R3HCC1: variants seen among roughly 807,000 people sequenced by gnomAD.
R3HCC1 encodes R3H and coiled-coil domain-containing protein 1.
Under a neutral mutation model 40.0 loss-of-function variants are expected in R3HCC1, and 32 were observed. The ratio of observed to expected loss-of-function variants is 0.80; its 90% CI spans 0.60 to 1.07. R3HCC1 has a LOEUF of 1.07. Among genes scored for constraint, R3HCC1 ranks in the 50% least tolerant of loss-of-function variants. The pLI is 0.00. For missense variants in R3HCC1, 586 were observed against 563.3 expected (o/e 1.04, Z -0.41); for synonymous variants, 237 against 232.8 (o/e 1.02, Z -0.17).
chr8:23,289,008 C>T lies in R3HCC1; in HGVS notation c.111-8C>T, dbSNP rs1473576459. 6.5e-7 allele frequency: 1 copy of T among 1,536,440 alleles called. No homozygotes were observed. Among genetic ancestry groups the T allele is most frequent in the Admixed American group, 2.0e-5 (1 of 50,992 alleles). On this transcript the variant is annotated splice_region_variant and splice_polypyrimidine_tract_variant and intron_variant, in intron 2 of 7. Transcript: ENST00000265806. The stretch of plus-strand genomic sequence containing the variant: ...ACCTGCTCAGCACTTCTTCCCCTCC[C>T]TCCCCAGGGTTCTTCTTTTCCCCCC...
intron 4 of R3HCC1, chr8:23,291,066 C>G (rs924375641): frequency 7.3e-6 from 2 of 272,110 alleles, no homozygotes; most frequent in South Asian, 1.5e-4. Context: ...AACTCTTGGG[C>G]CTTCAGTTTC....
In R3HCC1 at chr8:23,296,235, C is replaced by T. The variant is rs527276786; in HGVS notation, c.*138C>T. The stretch of plus-strand genomic sequence containing the variant: ...GGGGTGTGGTGGGCTTTAGTTTAGT[C>T]CCAGAAATGGAGAAAAAATAAAAAC... On this transcript the variant is annotated 3_prime_UTR_variant, in exon 8 of 8. Coordinates refer to ENST00000265806, the MANE Select transcript of R3HCC1 (RefSeq NM_001136108.3). 8.8e-6 allele frequency: 9 copies of T among 1,021,508 alleles called. No homozygotes were observed. The highest frequency in any genetic ancestry group is 4.9e-5 in the African/African-American group (3 of 61,296). The allele number at this position is 1,021,508 out of a possible 1,614,324, so 63.3% of individuals were successfully genotyped here.
chr8:23,290,988 G>C (rs1323151534), intron 4 of R3HCC1: 2 of 212,206 alleles, frequency 9.4e-6, no homozygotes, highest in Non-Finnish European at 1.9e-5. Flanking sequence ...CACTAGTAGA[G>C]GAGGGAAAGT....
chr8:23,288,747 T>C, intron 2 of R3HCC1, 114 bp downstream of exon 2: 1 of 1,303,568 alleles, frequency 7.7e-7, no homozygotes, highest in Non-Finnish European at 1.0e-6. Context: ...CCTTGGCCTT[T>C]AGTCTTTATA....
In R3HCC1 at chr8:23,290,481, C is replaced by CT; in HGVS notation, c.852+14dup. 1 of 1,541,476 alleles carries CT rather than the reference C, an allele frequency of 6.5e-7. No homozygotes were observed. The highest frequency in any genetic ancestry group is 1.4e-5 in the African/African-American group (1 of 72,944). Reference sequence around the variant, plus strand: ...AGCTGCTGCAGGAGGTGATGAGGCTCTTGAGCCCGAAAAGGGAGGGCGGAG... The same window carrying CT: ...AGCTGCTGCAGGAGGTGATGAGGCTCTTTGAGCCCGAAAAGGGAGGGCGGAG... On this transcript the variant is annotated intron_variant, in intron 4 of 7. Transcript: ENST00000265806.
chr8:23,294,684 C>T, intron 6 of R3HCC1, 85 bp from the exon 7 acceptor site: 9 of 1,029,244 alleles, frequency 8.7e-6, no homozygotes, highest in South Asian at 2.7e-5. Flanking sequence ...AGGTGCACAA[C>T]ACGGCTGCAG....
At chr8:23,293,489 G>C (rs1802917722) in intron 6 of R3HCC1, 116 bp downstream of exon 6, 1 of 740,212 alleles carries the variant, frequency 1.4e-6, no homozygotes, top group Non-Finnish European at 2.2e-6. Context: ...GAGCCAGTAG[G>C]CTCTGGGGGT....
chr8:23,294,642 G>T (rs1180789179), intron 6 of R3HCC1, 127 bp from the exon 7 acceptor site: 2 of 714,248 alleles, frequency 2.8e-6, no homozygotes, highest in Non-Finnish European at 2.4e-6. Context: ...ATCCAGGGCG[G>T]TGTCGGAGCA....
At chr8:23,288,449 C>A in intron 1 of R3HCC1, 57 bp from the exon 2 acceptor site, 2 of 1,523,078 alleles carry the variant, frequency 1.3e-6, no homozygotes, top group South Asian at 2.4e-5. Flanking sequence ...GTTGCGGGGT[C>A]GCGGGAGATC....
At position 23,288,580 on chromosome 8, in the gene R3HCC1, C is replaced by T. The variant is rs749126071; in HGVS notation, c.57C>T (p.Val19=). Residue 19 remains valine, a synonymous_variant, in exon 2 of 8, where the codon GTC becomes GTT. Coordinates refer to ENST00000265806, the MANE Select transcript of R3HCC1 (RefSeq NM_001136108.3). The stretch of plus-strand genomic sequence containing the variant: ...TCTCCTCAGCCGAGAATGACTTCGT[C>T]CACCGGATCCAGGAGGAACTGGACC... 3.5e-5 allele frequency: 53 copies of T among 1,536,016 alleles called. No individual in the cohort carries two copies. In the African/African-American group the frequency reaches 6.4e-4, roughly 19 times the overall value.
At chr8:23,289,592 A>ATGC (rs750819016) in intron 3 of R3HCC1, among the ~76,000 whole-genome samples, 12 of 152,286 alleles carry the variant, frequency 7.9e-5, no homozygotes, top group Non-Finnish European at 1.2e-4. Flanking sequence ...TACTTCTTAA[A>ATGC]TGCAAGAGCT....
chr8:23,289,178 G>T, intron 3 of R3HCC1, 25 bp downstream of exon 3: 3 of 1,535,168 alleles, frequency 2.0e-6, no homozygotes, highest in Admixed American at 2.0e-5. Context: ...ACCTTGAAGT[G>T]CCTGCAGCGG....
At chr8:23,295,173 C>T (rs1418593833) in intron 7 of R3HCC1, among the ~76,000 whole-genome samples, 2 of 152,134 alleles carry the variant, frequency 1.3e-5, no homozygotes, top group East Asian at 3.9e-4. Context: ...AAGCTTGGTC[C>T]TTCTTCTGGA....
At chr8:23,294,679 C>T (rs1240194171) in intron 6 of R3HCC1, 90 bp from the exon 7 acceptor site, 1 of 973,534 alleles carries the variant, frequency 1.0e-6, no homozygotes, top group Non-Finnish European at 1.6e-6. Flanking sequence ...TGAATAGGTG[C>T]ACAACACGGC....
At position 23,291,483 on chromosome 8, in the gene R3HCC1, TGAACCAGC is replaced by T; in HGVS notation, c.977_984del (p.Glu326AlafsTer12). On this transcript the variant is annotated frameshift_variant, in exon 5 of 8. Transcript: ENST00000265806. LOFTEE classifies it high-confidence loss of function. ...CCCACGTGGTAGAGATCTATGACTT[TGAACCAGC>T]GCTCAAGACGGAGGACCTGCTGGCA... 1 of 1,551,582 alleles carries T rather than the reference TGAACCAGC, an allele frequency of 6.4e-7. No homozygotes were observed.
rs916686751 is a variant in R3HCC1 at position 23,290,377 on chromosome 8, C to G, written c.760C>G (p.Leu254Val). 2 of 1,551,636 alleles carry G rather than the reference C, an allele frequency of 1.3e-6. No homozygotes were observed. The highest frequency in any genetic ancestry group is 2.7e-5 in the African/African-American group (2 of 72,998). ...GAAGGAGAGTCTGTTGGAGAAGAGG[C>G]TGGTGGCAGAGGAGGAAGAGGACGA... Residue 254 changes from leucine to valine, a missense_variant, in exon 4 of 8, where the codon CTG becomes GTG. Transcript: ENST00000265806.
At chr8:23,291,688 T>TCTCCCTGCCGGCCGTC (rs1802870207) in intron 5 of R3HCC1, among the ~76,000 whole-genome samples, 155 bp downstream of exon 5, 2 of 152,188 alleles carry the variant, frequency 1.3e-5, no homozygotes, top group African/African-American at 4.8e-5. Flanking sequence ...CCTGGGCAGT[T>TCTCCCTGCCGGCCGTC]CTCCCTGCCG....
rs558200449 is a variant in R3HCC1 at position 23,294,079 on chromosome 8, C to T, written c.1097-690C>T. Among the ~76,000 whole-genome samples, 34 of 152,316 alleles carry T rather than the reference C, an allele frequency of 2.2e-4. 1 individual carries two copies. The highest frequency in any genetic ancestry group is 1.5e-3 in the South Asian group (7 of 4,824). ...TGGGAGCGCCATTGCTGCTGGGGCC[C>T]AGTCCTCAGGAGGGAGGGCCCTGGC... On this transcript the variant is annotated intron_variant, in intron 6 of 7. Transcript: ENST00000265806.
In R3HCC1 at chr8:23,291,470, A is replaced by G. The variant is rs1229047699; in HGVS notation, c.962A>G (p.Glu321Gly). 2 of 1,551,636 alleles carry G rather than the reference A, an allele frequency of 1.3e-6. No homozygotes were observed. The highest frequency in any genetic ancestry group is 1.7e-6 in the Non-Finnish European group (2 of 1,146,944). Residue 321 changes from glutamate to glycine, a missense_variant, in exon 5 of 8, where the codon GAG (glutamate) becomes GGG (glycine). Glu to Gly is a moderately conservative substitution (Grantham distance 98). Transcript: ENST00000265806. ...GAGAAGGACCTTGCCCACGTGGTAG[A>G]GATCTATGACTTTGAACCAGCGCTC...
Sources: gnomAD v4.1 joint callset for allele counts (sites outside exome capture counted in the v4.1 genomes callset) on GRCh38, gnomAD v4.1.1 for gene constraint, MANE v1.5 for transcripts, NCBI Gene and HGNC (gene_info 2026-07-23, HGNC 2026-07-21) for gene names.